AQP9: variants seen among roughly 807,000 people sequenced by gnomAD.
AQP9 encodes aquaporin-9.
In AQP9, 19 loss-of-function variants were observed where a neutral mutation model predicts 23.8. The ratio of observed to expected loss-of-function variants is 0.80; its 90% CI spans 0.56 to 1.17. The LOEUF is 1.17. AQP9 is among the 50% of genes most tolerant of loss of function. AQP9 has a pLI of 0.00. For synonymous variants in AQP9, 153 were observed against 131.5 expected (o/e 1.16, Z -1.12); for missense variants, 413 against 362.0 (o/e 1.14, Z -1.14).
chr15:58,173,034 C>T (rs746812717), intron 2 of AQP9, 34 bp from the exon 3 acceptor site: 1 of 1,613,046 alleles, frequency 6.2e-7, no homozygotes, highest in South Asian at 1.1e-5. Flanking sequence ...TTCTTCCTAA[C>T]CTGCCCTCTC....
intron 1 of AQP9, chr15:58,138,894 G>T: frequency 2.1e-6 from 1 of 473,964 alleles, no homozygotes; most frequent in Non-Finnish European, 3.8e-6. Context: ...AAAGTTGATG[G>T]GAATGGAAGA....
At chr15:58,181,155 T>C (rs73428109) in intron 5 of AQP9, among the ~76,000 whole-genome samples, 1,715 of 152,316 alleles carry the variant, frequency 0.011, 41 homozygotes, top group African/African-American at 0.039. Context: ...GTTAAGTATA[T>C]GTTAGGAGAA....
intron 1 of AQP9, among the ~76,000 whole-genome samples, chr15:58,162,455 A>G (rs1465114367): frequency 2.6e-5 from 4 of 152,356 alleles, no homozygotes; most frequent in South Asian, 4.1e-4. Flanking sequence ...CCACAGGAAC[A>G]ATGAAAAGTA....
At chr15:58,152,037 T>C (rs1311564853) in intron 1 of AQP9, 1 of 152,212 alleles carries the variant, frequency 6.6e-6, no homozygotes, top group Non-Finnish European at 1.5e-5. Context: ...TTATGGCTAT[T>C]CTCATTTGAA....
intron 2 of AQP9, 62 bp downstream of exon 2, chr15:58,166,861 G>A: frequency 1.3e-5 from 20 of 1,543,412 alleles, no homozygotes; most frequent in Non-Finnish European, 1.3e-5. Context: ...CCCGCACAGT[G>A]CTGGCTGCTT....
intron 2 of AQP9, among the ~76,000 whole-genome samples, chr15:58,168,123 AC>A (rs1320175800): frequency 6.6e-6 from 1 of 151,840 alleles, no homozygotes; most frequent in Admixed American, 6.6e-5. Context: ...CCAGGCTCAA[AC>A]AATTCTACCT....
chr15:58,161,811 C>T (rs1371768099), intron 1 of AQP9, among the ~76,000 whole-genome samples: 1 of 152,062 alleles, frequency 6.6e-6, no homozygotes, highest in Non-Finnish European at 1.5e-5. Context: ...TATCAAAAAG[C>T]CATATGATTC....
intron 1 of AQP9, among the ~76,000 whole-genome samples, chr15:58,156,944 T>G (rs1225109635): frequency 6.6e-6 from 1 of 152,218 alleles, no homozygotes; most frequent in Non-Finnish European, 1.5e-5. Flanking sequence ...TCCAAAGGTT[T>G]CCTTAGATGG....
intron 1 of AQP9, among the ~76,000 whole-genome samples, chr15:58,145,039 A>G (rs1898019346): frequency 6.6e-6 from 1 of 151,582 alleles, no homozygotes. Context: ...AAAAAGATAA[A>G]AGAAAAAAAC....
chr15:58,180,121 T>A (rs1368541794), intron 5 of AQP9, among the ~76,000 whole-genome samples: 6 of 152,178 alleles, frequency 3.9e-5, no homozygotes, highest in Non-Finnish European at 2.9e-5. Flanking sequence ...AATTTGCCCC[T>A]TCACTACTTC....
chr15:58,165,677 A>G (rs2140616352), intron 1 of AQP9, among the ~76,000 whole-genome samples: 1 of 151,224 alleles, frequency 6.6e-6, no homozygotes, highest in Non-Finnish European at 1.5e-5. Flanking sequence ...GTTTGTTTCT[A>G]TTTTTTTCAG....
rs564722409 is a variant in AQP9, at chr15:58,160,790, A to T, written c.112-5883A>T. Among the ~76,000 whole-genome samples, 8 of 152,308 alleles carry T rather than the reference A, an allele frequency of 5.3e-5. No individual in the cohort carries two copies. The South Asian group carries it at 1.7e-3, about 32-fold the overall frequency. On this transcript the variant is annotated intron_variant, in intron 1 of 5. Transcript: ENST00000219919. ...AATGAGGGCTTTTGTTGTCAGAGAA[A>T]GTCCTATAGAGAAAGCAGGATTTCA...
chr15:58,140,332 T>A (rs1358080916), intron 1 of AQP9, among the ~76,000 whole-genome samples: 1 of 152,200 alleles, frequency 6.6e-6, no homozygotes, highest in African/African-American at 2.4e-5. Context: ...ACTGGCCTTG[T>A]GTCTTCCCCA....
chr15:58,185,619 G>C lies in AQP9; in HGVS notation c.*1484G>C, dbSNP rs1223294254. 1.3e-5 allele frequency: 2 copies of C among 152,158 alleles called. No individual in the cohort carries two copies. The highest frequency in any genetic ancestry group is 2.9e-5 in the Non-Finnish European group (2 of 68,026). The allele number at this position is 152,158 out of a possible 1,614,324, so 9.4% of individuals were successfully genotyped here. A position where few individuals can be genotyped will look rare whatever the true frequency, so the allele number is the denominator to read the frequency against. On this transcript the variant is annotated 3_prime_UTR_variant, in exon 6 of 6. Coordinates refer to ENST00000219919, the MANE Select transcript of AQP9 (RefSeq NM_020980.5). ...TCCTCTGGCTCAGTCTTTTCCCCTT[G>C]AAGTTCTCTAATAGATGTTACTTTT...
chr15:58,170,245 C>T (rs1239721357), intron 2 of AQP9, among the ~76,000 whole-genome samples: 2 of 152,106 alleles, frequency 1.3e-5, no homozygotes, highest in Non-Finnish European at 2.9e-5. Flanking sequence ...TGCCACTTGT[C>T]CACCTCTCTT....
rs536480649 is a variant in AQP9 at position 58,166,790 on chromosome 15, G to T, written c.229G>T (p.Gly77Cys). The change falls in exon 2 of 6, where the codon GGT becomes TGT. Residue 77 changes from glycine (G) to cysteine (C), a missense_variant. Gly to Cys is a radical substitution (Grantham distance 159, BLOSUM62 -3). Coordinates refer to ENST00000219919, the MANE Select transcript of AQP9 (RefSeq NM_020980.5). The stretch of plus-strand genomic sequence containing the variant: ...TGCAATGGCCATTTATGTGGCTGGC[G>T]GTGTCTCTGGTAAGCAGTAGAAATA... ...AVAMAIYVAG[G>C]VSGGHINPAV... The T allele has an allele frequency of 1.2e-6, 2 of 1,613,654 alleles. No homozygotes were observed. Among genetic ancestry groups the T allele is most frequent in the African/African-American group, 2.7e-5 (2 of 75,018 alleles).
chr15:58,147,576 G>T (rs536961135), intron 1 of AQP9, among the ~76,000 whole-genome samples: 85 of 152,222 alleles, frequency 5.6e-4, no homozygotes, highest in African/African-American at 2.0e-3. Flanking sequence ...CAGTAGCTTG[G>T]CTGGTCATGC....
At chr15:58,159,105 C>T (rs1198655124) in intron 1 of AQP9, among the ~76,000 whole-genome samples, 1 of 152,196 alleles carries the variant, frequency 6.6e-6, no homozygotes, top group African/African-American at 2.4e-5. Flanking sequence ...TCTCTCCGTT[C>T]CCGGCATTTC....
intron 1 of AQP9, among the ~76,000 whole-genome samples, chr15:58,158,322 C>T (rs1204885491): frequency 2.0e-5 from 3 of 152,104 alleles, no homozygotes; most frequent in African/African-American, 4.8e-5. Context: ...AAAGTTCGGG[C>T]CTCTGACTAA....
Sources: allele counts gnomAD v4.1 joint callset (sites outside exome capture counted in the v4.1 genomes callset), GRCh38; gene constraint gnomAD v4.1.1; transcripts MANE v1.5; gene names NCBI Gene and HGNC (gene_info 2026-07-23, HGNC 2026-07-21).